CACNA2D1: variants seen among roughly 807,000 people sequenced by gnomAD.
The protein encoded by CACNA2D1 is calcium voltage-gated channel auxiliary subunit alpha2delta 1, also known as voltage-dependent calcium channel subunit alpha-2/delta-1.
CACNA2D1 carries 53 observed loss-of-function variants against 171.5 expected under a neutral mutation model. That is an observed-to-expected ratio of 0.31 (90% confidence interval 0.25 to 0.39). The LOEUF is 0.39. CACNA2D1 is among the 10% of genes least tolerant of loss of function. CACNA2D1 has a pLI of 1.00. For missense variants in CACNA2D1, 903 were observed against 1,299.8 expected (o/e 0.69, Z 4.69); for synonymous variants, 442 against 443.1 (o/e 1.00, Z 0.03).
intron 3 of CACNA2D1, among the ~76,000 whole-genome samples, chr7:82,237,472 T>C (rs1585184676): frequency 6.6e-6 from 1 of 151,964 alleles, no homozygotes; most frequent in East Asian, 1.9e-4. Context: ...GTGATTTTGT[T>C]CTATTGGGCT....
chr7:82,156,311 A>G (rs912763568), intron 4 of CACNA2D1, among the ~76,000 whole-genome samples: 1 of 151,916 alleles, frequency 6.6e-6, no homozygotes, highest in African/African-American at 2.4e-5. Context: ...CTAGCTTTCT[A>G]TTTACTTTTG....
At chr7:82,060,699 T>C (rs937632404) in intron 9 of CACNA2D1, among the ~76,000 whole-genome samples, 172 bp from the exon 10 acceptor site, 8 of 152,040 alleles carry the variant, frequency 5.3e-5, no homozygotes, top group African/African-American at 1.9e-4. Flanking sequence ...GAAGTGGAAA[T>C]TATAAGAAAT....
Position 81,950,061 on chromosome 7 carries a change from G to A in CACNA2D1, c.*331C>T, listed in dbSNP as rs1241420076. 3.9e-6 allele frequency: 1 copy of A among 255,086 alleles called. No individual in the cohort carries two copies. Among genetic ancestry groups the A allele is most frequent in the Non-Finnish European group, 7.5e-6 (1 of 133,076 alleles). The allele number at this position is 255,086 out of a possible 1,614,324, so 15.8% of individuals were successfully genotyped here. A position where few individuals can be genotyped will look rare whatever the true frequency, so the allele number is the denominator to read the frequency against. On this transcript the variant is annotated 3_prime_UTR_variant, in exon 39 of 39. Transcript: ENST00000356860. ...GGTCAATATCAAGACATTTCTTATGGTTCATTAACAATTGTATGGGGAACC... is the reference window on the plus strand; with the variant it reads ...GGTCAATATCAAGACATTTCTTATGATTCATTAACAATTGTATGGGGAACC...
chr7:82,039,156 A>T (rs1803654241), intron 10 of CACNA2D1, among the ~76,000 whole-genome samples: 1 of 152,110 alleles, frequency 6.6e-6, no homozygotes. Context: ...GAAAAAAGGG[A>T]CTGGCCAGAT....
At chr7:82,169,172 A>G (rs1002592288) in intron 4 of CACNA2D1, among the ~76,000 whole-genome samples, 1 of 152,100 alleles carries the variant, frequency 6.6e-6, no homozygotes, top group Non-Finnish European at 1.5e-5. Flanking sequence ...TCTAAAAGCA[A>G]CTAAGTATAT....
At chr7:82,212,306 G>A (rs1039644174) in intron 3 of CACNA2D1, among the ~76,000 whole-genome samples, 14 of 152,092 alleles carry the variant, frequency 9.2e-5, no homozygotes, top group African/African-American at 3.4e-4. Flanking sequence ...CATTTTTTAG[G>A]TTAAGTGTAT....
At chr7:82,166,374 G>A (rs563652459) in intron 4 of CACNA2D1, among the ~76,000 whole-genome samples, 5 of 152,050 alleles carry the variant, frequency 3.3e-5, no homozygotes, top group African/African-American at 1.2e-4. Context: ...ATTTCTAGAC[G>A]TCTGTACTCT....
intron 4 of CACNA2D1, among the ~76,000 whole-genome samples, chr7:82,168,837 T>C (rs1035485401): frequency 1.3e-5 from 2 of 152,086 alleles, no homozygotes; most frequent in Non-Finnish European, 2.9e-5. Flanking sequence ...CAAATGAATT[T>C]AAGGCAAAGA....
At chr7:82,266,200 GGT>G (rs1425530501) in intron 3 of CACNA2D1, among the ~76,000 whole-genome samples, 2 of 152,050 alleles carry the variant, frequency 1.3e-5, no homozygotes, top group Non-Finnish European at 1.5e-5. Flanking sequence ...ACAATAATTA[GGT>G]GTGTCTTCTT....
rs151247735 is a variant in CACNA2D1, at chr7:82,244,118, TA to T, written c.295-73510del. On this transcript the variant is annotated intron_variant, in intron 3 of 38. Transcript: ENST00000356860. ...TAATGAGATAATTTGTGGGTTTTATTATTTCTTCAAAGACATTAAACTTCTC... is the reference window on the plus strand; with the variant it reads ...TAATGAGATAATTTGTGGGTTTTATTTTTCTTCAAAGACATTAAACTTCTC... Among the ~76,000 whole-genome samples the T allele has an allele frequency of 7.8e-3, 1,184 of 152,278 alleles. 24 individuals are homozygous for T. Among genetic ancestry groups the T allele is most frequent in the African/African-American group, 0.027 (1,121 of 41,566 alleles).
chr7:82,127,582 G>T (rs1332255216), intron 5 of CACNA2D1, among the ~76,000 whole-genome samples: 1 of 152,006 alleles, frequency 6.6e-6, no homozygotes, highest in African/African-American at 2.4e-5. Context: ...ATTGTATAAG[G>T]TATTATACCA....
chr7:81,965,740 A>G, intron 31 of CACNA2D1, 75 bp from the exon 32 acceptor site: 1 of 842,560 alleles, frequency 1.2e-6, no homozygotes, highest in South Asian at 1.3e-5. Context: ...CCCATTATAT[A>G]CATGATTAGA....
At chr7:81,968,857 T>C (rs1794975224) in intron 29 of CACNA2D1, 30 bp downstream of exon 29, 1 of 1,105,604 alleles carries the variant, frequency 9.0e-7, no homozygotes, top group Non-Finnish European at 1.4e-6. Flanking sequence ...TAATTTTGAT[T>C]GTGTTTTTGT....
intron 7 of CACNA2D1, among the ~76,000 whole-genome samples, chr7:82,073,751 C>G (rs993430897): frequency 1.3e-5 from 2 of 152,072 alleles, no homozygotes; most frequent in African/African-American, 4.8e-5. Context: ...CAGGTGCCCA[C>G]AACCACACCC....
At chr7:82,316,380 T>C (rs1309953621) in intron 3 of CACNA2D1, among the ~76,000 whole-genome samples, 1 of 152,150 alleles carries the variant, frequency 6.6e-6, no homozygotes, top group Non-Finnish European at 1.5e-5. Context: ...AATTATTTCT[T>C]CTCTGACTGA....
chr7:82,285,890 A>C (rs928761196), intron 3 of CACNA2D1, among the ~76,000 whole-genome samples: 5 of 152,232 alleles, frequency 3.3e-5, no homozygotes, highest in Admixed American at 2.6e-4. Context: ...GGGGGTATGC[A>C]CATGAATGAA....
chr7:82,187,131 T>C (rs751575267), intron 3 of CACNA2D1, among the ~76,000 whole-genome samples: 11 of 152,206 alleles, frequency 7.2e-5, no homozygotes, highest in African/African-American at 2.7e-4. Flanking sequence ...ATCAGTCATA[T>C]AAAATCTGGC....
chr7:82,320,412 C>G (rs1045904321), intron 3 of CACNA2D1, among the ~76,000 whole-genome samples: 4 of 151,922 alleles, frequency 2.6e-5, no homozygotes, highest in African/African-American at 9.7e-5. Context: ...AAATAATGCA[C>G]CATCTGTGGT....
At chr7:82,429,458 T>A (rs770402475) in intron 1 of CACNA2D1, among the ~76,000 whole-genome samples, 7 of 152,106 alleles carry the variant, frequency 4.6e-5, no homozygotes, top group Non-Finnish European at 8.8e-5. Flanking sequence ...CCTGTGCATA[T>A]TACAAGAATA....
Sources: allele counts gnomAD v4.1 joint callset (sites outside exome capture counted in the v4.1 genomes callset), GRCh38; gene constraint gnomAD v4.1.1; transcripts MANE v1.5; gene names NCBI Gene and HGNC (gene_info 2026-07-23, HGNC 2026-07-21).